ZBTB20: variants seen among roughly 807,000 people sequenced by gnomAD.
ZBTB20 encodes the protein zinc finger and BTB domain-containing protein 20.
ZBTB20 carries 9 observed loss-of-function variants against 56.9 expected under a neutral mutation model. The ratio of observed to expected loss-of-function variants is 0.16; its 90% CI spans 0.10 to 0.28. The LOEUF (loss-of-function observed/expected upper bound fraction) is 0.28. Among genes scored for constraint, ZBTB20 ranks in the 10% least tolerant of loss-of-function variants. The pLI is 1.00. For missense variants in ZBTB20, 655 were observed against 1,003.0 expected (o/e 0.65, Z 4.69); for synonymous variants, 417 against 420.7 (o/e 0.99, Z 0.11).
At chr3:114,713,267 C>T (rs1415972948) in intron 5 of ZBTB20, among the ~76,000 whole-genome samples, 1 of 152,116 alleles carries the variant, frequency 6.6e-6, no homozygotes, top group Admixed American at 6.6e-5. Context: ...AGCAGCAATG[C>T]AGATGGGTCT....
intron 1 of ZBTB20, among the ~76,000 whole-genome samples, chr3:115,085,583 T>G (rs999497494): frequency 1.3e-5 from 2 of 151,990 alleles, no homozygotes; most frequent in Non-Finnish European, 2.9e-5. Flanking sequence ...AAATAGTCCT[T>G]AAACCCCAGT....
At chr3:114,801,335 A>C (rs2071700214) in intron 4 of ZBTB20, among the ~76,000 whole-genome samples, 161 bp from the exon 5 acceptor site, 1 of 149,682 alleles carries the variant, frequency 6.7e-6, no homozygotes, top group Non-Finnish European at 1.5e-5. Context: ...TTAAGGAAAA[A>C]AAAAAAAAAG....
At chr3:114,583,874 G>T (rs1252406693) in intron 6 of ZBTB20, among the ~76,000 whole-genome samples, 1 of 152,164 alleles carries the variant, frequency 6.6e-6, no homozygotes, top group Non-Finnish European at 1.5e-5. Flanking sequence ...AAAATGTAAT[G>T]TAATCTCTGA....
intron 5 of ZBTB20, among the ~76,000 whole-genome samples, chr3:114,753,073 T>C (rs1180237580): frequency 6.6e-6 from 1 of 151,860 alleles, no homozygotes; most frequent in Admixed American, 6.6e-5. Flanking sequence ...GTGTCTTGAA[T>C]TTACTGGTCT....
At chr3:115,050,877 C>T (rs1227707300) in intron 2 of ZBTB20, among the ~76,000 whole-genome samples, 1 of 152,034 alleles carries the variant, frequency 6.6e-6, no homozygotes, top group Non-Finnish European at 1.5e-5. Flanking sequence ...TACTCTACAA[C>T]TCTATTAGAA....
At chr3:114,426,700 TA>T (rs1252139809) in intron 7 of ZBTB20, among the ~76,000 whole-genome samples, 1 of 152,194 alleles carries the variant, frequency 6.6e-6, no homozygotes, top group Admixed American at 6.5e-5. Context: ...ATTCAGATGA[TA>T]ACTTAAACCT....
intron 6 of ZBTB20, among the ~76,000 whole-genome samples, chr3:114,612,131 C>T (rs762505350): frequency 1.3e-5 from 2 of 152,184 alleles, no homozygotes; most frequent in Non-Finnish European, 2.9e-5. Context: ...TTGCTTCTTT[C>T]CAAAAGACCT....
intron 3 of ZBTB20, among the ~76,000 whole-genome samples, chr3:114,915,946 G>T (rs2075727248): frequency 6.6e-6 from 1 of 151,838 alleles, no homozygotes; most frequent in Non-Finnish European, 1.5e-5. Flanking sequence ...TCAAATTTTT[G>T]AATATTTTAA....
chr3:115,112,608 A>G (rs1218740522), intron 1 of ZBTB20, among the ~76,000 whole-genome samples: 1 of 152,210 alleles, frequency 6.6e-6, no homozygotes, highest in East Asian at 1.9e-4. Flanking sequence ...CTCCAGCTCC[A>G]TTCACATTGC....
chr3:114,718,768 C>T (rs1361156484), intron 5 of ZBTB20, among the ~76,000 whole-genome samples: 5 of 151,998 alleles, frequency 3.3e-5, no homozygotes, highest in South Asian at 2.1e-4. Flanking sequence ...CTCCCTTTTC[C>T]GCTTAAATTC....
In ZBTB20 at chr3:114,787,366, T is replaced by TATATATATATACAC. The variant is rs1278656494; in HGVS notation, c.-343+13734_-343+13735insGTGTATATATATAT. On this transcript the variant is annotated intron_variant, in intron 5 of 11. Transcript: ENST00000675478. ...ATATATATATATATATATATATATA[T>TATATATATATACAC]ATACACACACACACACACACACACA... Among the ~76,000 whole-genome samples the TATATATATATACAC allele has an allele frequency of 6.4e-3, 532 of 82,812 alleles. 17 individuals are homozygous for TATATATATATACAC. Among genetic ancestry groups the TATATATATATACAC allele is most frequent in the African/African-American group, 0.024 (463 of 18,938 alleles). The allele number at this position is 82,812 out of a possible 152,430, so 54.3% of individuals were successfully genotyped here.
chr3:114,960,309 G>A (rs1414632589), intron 3 of ZBTB20, among the ~76,000 whole-genome samples: 1 of 152,192 alleles, frequency 6.6e-6, no homozygotes, highest in Non-Finnish European at 1.5e-5. Context: ...AATGATGAGA[G>A]AATGCTTTTA....
At chr3:114,913,330 A>T (rs1350315182) in intron 3 of ZBTB20, among the ~76,000 whole-genome samples, 1 of 152,054 alleles carries the variant, frequency 6.6e-6, no homozygotes, top group Non-Finnish European at 1.5e-5. Context: ...TTCTCTGATG[A>T]TCAATGATGT....
chr3:114,554,134 A>T (rs1318848390), intron 6 of ZBTB20, among the ~76,000 whole-genome samples: 1 of 152,156 alleles, frequency 6.6e-6, no homozygotes, highest in Admixed American at 6.5e-5. Flanking sequence ...TTGGTTAGAA[A>T]GTCTTTCCAG....
chr3:114,462,805 G>GT (rs1165113297), intron 7 of ZBTB20, among the ~76,000 whole-genome samples: 1 of 152,166 alleles, frequency 6.6e-6, no homozygotes, highest in Non-Finnish European at 1.5e-5. Context: ...AAAATTTGCA[G>GT]TATTTCTCAA....
chr3:114,380,419 A>C lies in ZBTB20; in HGVS notation c.12-15T>G. The C allele has an allele frequency of 6.6e-7, 1 of 1,513,126 alleles. No homozygotes were observed. Among genetic ancestry groups the C allele is most frequent in the South Asian group, 1.2e-5 (1 of 80,814 alleles). The allele number at this position is 1,513,126 out of a possible 1,614,324, so 93.7% of individuals were successfully genotyped here. On this transcript the variant is annotated splice_polypyrimidine_tract_variant and intron_variant, in intron 9 of 11. Coordinates refer to ENST00000675478, the MANE Select transcript of ZBTB20 (RefSeq NM_001348800.3). The stretch of plus-strand genomic sequence containing the variant: ...TGGGTTTCTTCCTGAAAATAAACAA[A>C]GGGCCCTTTGAAGGAACTGACTGCA...
At chr3:114,394,666 A>C (rs753652028) in intron 7 of ZBTB20, among the ~76,000 whole-genome samples, 1 of 152,182 alleles carries the variant, frequency 6.6e-6, no homozygotes, top group Non-Finnish European at 1.5e-5. Context: ...CTCCCAGGTG[A>C]TGCTGATGCT....
intron 6 of ZBTB20, among the ~76,000 whole-genome samples, chr3:114,585,638 G>T (rs1577762949): frequency 1.3e-5 from 2 of 152,112 alleles, no homozygotes; most frequent in South Asian, 4.2e-4. Context: ...TATGCCCCCT[G>T]TACCACTATA....
At chr3:115,074,120 T>C (rs553872668) in intron 1 of ZBTB20, among the ~76,000 whole-genome samples, 23 of 152,224 alleles carry the variant, frequency 1.5e-4, no homozygotes, top group Non-Finnish European at 3.1e-4. Context: ...ACCTCTTTCA[T>C]CCATATTTAT....
Sources: allele counts gnomAD v4.1 joint callset (sites outside exome capture counted in the v4.1 genomes callset), GRCh38; gene constraint gnomAD v4.1.1; transcripts MANE v1.5; gene names NCBI Gene and HGNC (gene_info 2026-07-23, HGNC 2026-07-21).